BMPER: variants seen among roughly 807,000 people sequenced by gnomAD.
BMPER encodes the protein BMP-binding endothelial regulator protein.
BMPER carries 45 observed loss-of-function variants against 87.3 expected under a neutral mutation model. The ratio of observed to expected loss-of-function variants is 0.52; its 90% CI spans 0.41 to 0.66. The LOEUF is 0.66. Among genes scored for constraint, BMPER ranks in the 30% least tolerant of loss-of-function variants. The pLI is 0.00. For synonymous variants in BMPER, 326 were observed against 316.2 expected, an observed-to-expected ratio of 1.03 and a Z score of -0.33; for missense variants, 784 against 867.5, an observed-to-expected ratio of 0.90 and a Z score of 1.21.
At chr7:33,930,258 T>C (rs1213494362) in intron 2 of BMPER, among the ~76,000 whole-genome samples, 2 of 152,230 alleles carry the variant, frequency 1.3e-5, no homozygotes, top group Admixed American at 1.3e-4. Flanking sequence ...CTTGGACTTG[T>C]ACACTTAGGG....
chr7:34,110,144 G>C (rs1028658610), intron 13 of BMPER, among the ~76,000 whole-genome samples: 1 of 152,262 alleles, frequency 6.6e-6, no homozygotes, highest in South Asian at 2.1e-4. Context: ...TTTGCTGGGC[G>C]TGTATCCATT....
Position 34,091,970 on chromosome 7 carries a change from T to C in BMPER, c.1745+5878T>C, listed in dbSNP as rs534805447. On this transcript the variant is annotated intron_variant, in intron 13 of 14. Transcript: ENST00000649409. ...TCTCTGGGGAATGGGGAGCCTCTTC[T>C]TTTTTGACCCTTTTGTATTTCACCC... Among the ~76,000 whole-genome samples the C allele has an allele frequency of 6.6e-5, 10 of 152,310 alleles. No homozygotes were observed. In the South Asian group the frequency reaches 2.1e-3, roughly 32 times the overall value.
At chr7:34,039,645 T>TACACAC (rs1173068269) in intron 6 of BMPER, among the ~76,000 whole-genome samples, 14 of 138,658 alleles carry the variant, frequency 1.0e-4, no homozygotes, top group Non-Finnish European at 1.8e-4. Context: ...CACACACACT[T>TACACAC]ATACCACTGT....
chr7:34,119,422 T>C (rs1790206082), intron 13 of BMPER, among the ~76,000 whole-genome samples: 1 of 152,236 alleles, frequency 6.6e-6, no homozygotes, highest in African/African-American at 2.4e-5. Context: ...CATTTTCTTG[T>C]TATACTACAT....
chr7:34,012,074 A>G (rs1312374452), intron 6 of BMPER, among the ~76,000 whole-genome samples: 1 of 151,944 alleles, frequency 6.6e-6, no homozygotes, highest in Non-Finnish European at 1.5e-5. Context: ...AAACTTAATA[A>G]GAAGGAAATA....
intron 3 of BMPER, among the ~76,000 whole-genome samples, chr7:33,962,354 T>G (rs1302899397): frequency 1.3e-5 from 2 of 152,152 alleles, no homozygotes; most frequent in African/African-American, 2.4e-5. Flanking sequence ...AAAAGAAAAG[T>G]GTAGCTGGTT....
chr7:34,036,192 A>G (rs1233415091), intron 6 of BMPER, among the ~76,000 whole-genome samples: 3 of 152,210 alleles, frequency 2.0e-5, no homozygotes, highest in African/African-American at 4.8e-5. Context: ...ATGTGTCAGC[A>G]GTAGGCTTGT....
intron 6 of BMPER, among the ~76,000 whole-genome samples, chr7:34,002,596 G>A (rs1462807353): frequency 6.6e-6 from 1 of 151,642 alleles, no homozygotes; most frequent in African/African-American, 2.4e-5. Context: ...CTGCTTAGTT[G>A]TTCTATCTAT....
At chr7:34,046,003 T>G (rs1413806025) in intron 6 of BMPER, among the ~76,000 whole-genome samples, 1 of 152,072 alleles carries the variant, frequency 6.6e-6, no homozygotes, top group Non-Finnish European at 1.5e-5. Flanking sequence ...ACAGAGAGAG[T>G]TTTGATCATC....
chr7:33,958,877 C>T (rs576903625), intron 3 of BMPER, among the ~76,000 whole-genome samples: 30 of 152,210 alleles, frequency 2.0e-4, no homozygotes, highest in African/African-American at 7.2e-4. Flanking sequence ...GTGATAATCC[C>T]CATGTGTCAA....
chr7:34,145,222 A>T (rs899449028), intron 14 of BMPER, among the ~76,000 whole-genome samples: 1 of 152,066 alleles, frequency 6.6e-6, no homozygotes, highest in African/African-American at 2.4e-5. Context: ...AGGTAGGATG[A>T]TGGATTTTTG....
chr7:34,055,442 A>ATATACTGTAC, intron 9 of BMPER, 139 bp downstream of exon 9: 5 of 1,057,444 alleles, frequency 4.7e-6, no homozygotes, highest in Middle Eastern at 6.0e-4. Context: ...TATTAATAGA[A>ATATACTGTAC]TGTATTTATA....
At chr7:34,029,172 T>G (rs1438223958) in intron 6 of BMPER, among the ~76,000 whole-genome samples, 4 of 152,070 alleles carry the variant, frequency 2.6e-5, no homozygotes, top group Admixed American at 2.6e-4. Flanking sequence ...GATATGGTGG[T>G]GAGCAATTGA....
At chr7:34,084,442 C>T (rs1366944661) in intron 12 of BMPER, among the ~76,000 whole-genome samples, 1 of 152,160 alleles carries the variant, frequency 6.6e-6, no homozygotes, top group African/African-American at 2.4e-5. Context: ...ACACCTTGAT[C>T]CACTGTAGAT....
chr7:34,090,342 T>G (rs1789345261), intron 13 of BMPER, among the ~76,000 whole-genome samples: 1 of 152,214 alleles, frequency 6.6e-6, no homozygotes, highest in African/African-American at 2.4e-5. Flanking sequence ...GAAAAAGTGT[T>G]GGGTGTGTTC....
chr7:33,937,208 G>A (rs561013109), intron 2 of BMPER, 81 bp from the exon 3 acceptor site: 45 of 1,454,042 alleles, frequency 3.1e-5, no homozygotes, highest in African/African-American at 5.6e-5. Context: ...AGTGGGGCTC[G>A]GGAAACCTCT....
At chr7:34,028,283 AT>A (rs901322559) in intron 6 of BMPER, among the ~76,000 whole-genome samples, 1 of 151,870 alleles carries the variant, frequency 6.6e-6, no homozygotes, top group East Asian at 1.9e-4. Flanking sequence ...CTTCTCACTA[AT>A]TTTTTTTGTT....
At chr7:34,052,115 A>G (rs1788160791) in intron 8 of BMPER, 145 bp downstream of exon 8, 2 of 778,526 alleles carry the variant, frequency 2.6e-6, no homozygotes, top group Admixed American at 4.0e-5. Flanking sequence ...AATCATACTC[A>G]AGGTCACCAA....
At chr7:34,077,916 A>AT (rs146407338) in intron 11 of BMPER, among the ~76,000 whole-genome samples, 7,652 of 146,742 alleles carry the variant, frequency 0.052, 598 homozygotes, top group African/African-American at 0.18. Context: ...TGTGCTTTTT[A>AT]TTTTTTTTTT....
Sources: gnomAD v4.1 joint callset for allele counts (sites outside exome capture counted in the v4.1 genomes callset) on GRCh38, gnomAD v4.1.1 for gene constraint, MANE v1.5 for transcripts, NCBI Gene and HGNC (gene_info 2026-07-23, HGNC 2026-07-21) for gene names.